Variants in TNPO1 observed in about 807,000 individuals in gnomAD.
The protein encoded by TNPO1 is transportin-1.
TNPO1 carries 8 observed loss-of-function variants against 119.5 expected under a neutral mutation model. That is an observed-to-expected ratio of 0.07 (90% CI 0.04 to 0.12). The LOEUF is 0.12. Ranked by LOEUF, TNPO1 falls within the 10% of genes least tolerant of loss-of-function variation. TNPO1 has a pLI of 1.00. For missense variants in TNPO1, 576 were observed against 1,089.8 expected, an observed-to-expected ratio of 0.53 and a Z score of 6.64; for synonymous variants, 362 against 363.0, an observed-to-expected ratio of 1.00 and a Z score of 0.03.
At chr5:72,872,480 A>T (rs149963155) in intron 6 of TNPO1, among the ~76,000 whole-genome samples, 159 bp from the exon 7 acceptor site, 1 of 152,188 alleles carries the variant, frequency 6.6e-6, no homozygotes, top group Non-Finnish European at 1.5e-5. Context: ...ATATCATTCA[A>T]ATTCTTTCCT....
At chr5:72,862,843 T>G (rs1056272061) in intron 5 of TNPO1, among the ~76,000 whole-genome samples, 14 of 152,094 alleles carry the variant, frequency 9.2e-5, no homozygotes, top group African/African-American at 3.1e-4. Flanking sequence ...AGACAGAGTT[T>G]CACCATGTTG....
Position 72,855,767 on chromosome 5 carries a change from A to T in TNPO1, c.206-7A>T. ...CAAAACTCATTACTATTACTATTTT[A>T]TTACAGATGAACCCACAAGATCATT... On this transcript the variant is annotated splice_polypyrimidine_tract_variant and splice_region_variant and intron_variant, in intron 3 of 24. Coordinates refer to ENST00000337273, the MANE Select transcript of TNPO1 (RefSeq NM_002270.4). 4 of 1,591,086 alleles carry T rather than the reference A, an allele frequency of 2.5e-6. No individual in the cohort carries two copies. The highest frequency in any genetic ancestry group is 3.6e-5 in the Admixed American group (2 of 55,110).
chr5:72,867,337 A>G (rs565276461), intron 6 of TNPO1, among the ~76,000 whole-genome samples: 2 of 152,322 alleles, frequency 1.3e-5, no homozygotes, highest in African/African-American at 4.8e-5. Context: ...ACATTATTTA[A>G]TACCTTATTA....
chr5:72,900,811 C>A (rs370706470), intron 21 of TNPO1, 163 bp from the exon 22 acceptor site: 2 of 426,268 alleles, frequency 4.7e-6, no homozygotes, highest in Non-Finnish European at 8.5e-6. Context: ...ATGGGCCCAA[C>A]AAACAGGAAG....
intron 1 of TNPO1, among the ~76,000 whole-genome samples, chr5:72,829,044 T>C (rs908819808): frequency 1.3e-5 from 2 of 152,230 alleles, no homozygotes; most frequent in Non-Finnish European, 1.5e-5. Flanking sequence ...TGGATTCTTT[T>C]GTGATAGGGT....
intron 6 of TNPO1, chr5:72,871,868 A>C: frequency 6.6e-6 from 1 of 152,360 alleles, no homozygotes; most frequent in Non-Finnish European, 1.5e-5. Context: ...CATGGAGCCA[A>C]ATTTAGCCCA....
chr5:72,861,255 C>T (rs1168700635), intron 4 of TNPO1, among the ~76,000 whole-genome samples: 1 of 149,610 alleles, frequency 6.7e-6, no homozygotes, highest in Non-Finnish European at 1.5e-5. Context: ...GGTATTATGG[C>T]AGAAAAAGAA....
rs776844205 is a variant in TNPO1, at chr5:72,861,839, A to G, written c.387A>G (p.Gly129=). ...TGATCACAACTATAGCCTCCAAGGG[A>G]GAATTGCAGAATTGGCCTGACCTCT... ...GILITTIASK[G]ELQNWPDLLP... The change falls in exon 5 of 25, where the codon GGA becomes GGG. Residue 129 remains glycine, a synonymous_variant. Coordinates refer to ENST00000337273, the MANE Select transcript of TNPO1 (RefSeq NM_002270.4). 1.7e-5 allele frequency: 27 copies of G among 1,613,858 alleles called. No individual in the cohort carries two copies. Among genetic ancestry groups the G allele is most frequent in the Admixed American group, 6.7e-5 (4 of 60,002 alleles).
intron 18 of TNPO1, among the ~76,000 whole-genome samples, chr5:72,894,441 G>A (rs1241018773): frequency 6.6e-6 from 1 of 152,212 alleles, no homozygotes; most frequent in South Asian, 2.1e-4. Flanking sequence ...GAAGGCCAAG[G>A]CGGGCAGGTC....
chr5:72,868,431 CAAAAAAAAA>C lies in TNPO1; in HGVS notation c.596+2722_596+2730del, dbSNP rs200691585. Among the ~76,000 whole-genome samples, 34 of 27,068 alleles carry C rather than the reference CAAAAAAAAA, an allele frequency of 1.3e-3. 1 individual carries two copies. Among genetic ancestry groups the C allele is most frequent in the South Asian group, 5.0e-3 (2 of 400 alleles). 17.8% of individuals were successfully genotyped at this position (27,068 alleles called of 152,430 possible). A position where few individuals can be genotyped will look rare whatever the true frequency, so the allele number is the denominator to read the frequency against. ...TGGATGACAGAGCAAGACTCCGTCTCAAAAAAAAAAAAAAAAAAAAAAAAAAAACACAAA... is the reference window on the plus strand; with the variant it reads ...TGGATGACAGAGCAAGACTCCGTCTCAAAAAAAAAAAAAAAAAAACACAAA... On this transcript the variant is annotated intron_variant, in intron 6 of 24. Transcript: ENST00000337273.
At position 72,875,780 on chromosome 5, in the gene TNPO1, A is replaced by G; in HGVS notation, c.801+43A>G. The stretch of plus-strand genomic sequence containing the variant: ...AAGGCTCTTTCATCATCTTTCCCCT[A>G]AGAGAAATACTAGATAGAAAATACA... On this transcript the variant is annotated intron_variant, in intron 8 of 24. Coordinates refer to ENST00000337273, the MANE Select transcript of TNPO1 (RefSeq NM_002270.4). The G allele has an allele frequency of 3.2e-6, 5 of 1,574,058 alleles. No individual in the cohort carries two copies. In the South Asian group the frequency reaches 5.7e-5, roughly 18 times the overall value.
chr5:72,869,546 C>CA (rs1439226584), intron 6 of TNPO1, among the ~76,000 whole-genome samples: 1 of 151,886 alleles, frequency 6.6e-6, no homozygotes, highest in Non-Finnish European at 1.5e-5. Flanking sequence ...GACTCCATCT[C>CA]AAAAAAATAA....
intron 1 of TNPO1, among the ~76,000 whole-genome samples, chr5:72,844,054 C>T (rs1027519307): frequency 6.6e-6 from 1 of 152,138 alleles, no homozygotes; most frequent in African/African-American, 2.4e-5. Context: ...ACAACAATAG[C>T]GTTTATTCAA....
chr5:72,839,672 T>A (rs1224688436), intron 1 of TNPO1, among the ~76,000 whole-genome samples: 3 of 151,860 alleles, frequency 2.0e-5, no homozygotes, highest in African/African-American at 7.3e-5. Context: ...GTTGTCTTTT[T>A]CTGTTTTCTG....
At chr5:72,864,996 A>G (rs1746772524) in intron 5 of TNPO1, among the ~76,000 whole-genome samples, 1 of 152,212 alleles carries the variant, frequency 6.6e-6, no homozygotes. Context: ...ATGTAAATGT[A>G]GAGTTTTATA....
chr5:72,887,235 C>T lies in TNPO1; in HGVS notation c.1303+13C>T. ...GCAATTGCTGAAGGTAAGCCTAAGT[C>T]CAGTTTGAATTATGTAAGTTGGCTT... is the stretch of plus-strand genomic sequence containing the variant. On this transcript the variant is annotated intron_variant, in intron 12 of 24. Coordinates refer to ENST00000337273, the MANE Select transcript of TNPO1 (RefSeq NM_002270.4). The T allele has an allele frequency of 8.5e-7, 1 of 1,182,520 alleles. No homozygotes were observed. Among genetic ancestry groups the T allele is most frequent in the Non-Finnish European group, 1.2e-6 (1 of 859,224 alleles). 73.3% of individuals were successfully genotyped at this position (1,182,520 alleles called of 1,614,324 possible). A position where few individuals can be genotyped will look rare whatever the true frequency, so the allele number is the denominator to read the frequency against.
intron 23 of TNPO1, 28 bp downstream of exon 23, chr5:72,903,811 A>G (rs1462714695): frequency 7.1e-7 from 1 of 1,407,448 alleles, no homozygotes; most frequent in African/African-American, 1.4e-5. Context: ...ATAATGCATC[A>G]TCTTGAGACT....
intron 9 of TNPO1, chr5:72,879,321 G>A (rs1009253242): frequency 6.5e-6 from 1 of 153,116 alleles, no homozygotes; most frequent in African/African-American, 2.4e-5. Context: ...ACAAACCTAT[G>A]CTAATGAAAA....
At chr5:72,906,288 T>C (rs1420180710) in intron 24 of TNPO1, among the ~76,000 whole-genome samples, 2 of 112,302 alleles carry the variant, frequency 1.8e-5, no homozygotes, top group Non-Finnish European at 3.6e-5. Flanking sequence ...TTTTTTTTTT[T>C]TTTTTTTTTT....
Sources: gnomAD v4.1 joint callset for allele counts (sites outside exome capture counted in the v4.1 genomes callset) on GRCh38, gnomAD v4.1.1 for gene constraint, MANE v1.5 for transcripts, NCBI Gene and HGNC (gene_info 2026-07-23, HGNC 2026-07-21) for gene names.